The following RBFOX1 variants were observed in gnomAD, a reference collection of about 807,000 sequenced individuals.
The protein encoded by RBFOX1 is RNA binding fox-1 homolog 1.
In RBFOX1, 8 loss-of-function variants were observed where a neutral mutation model predicts 57.7. That is an observed-to-expected ratio of 0.14 (90% CI 0.08 to 0.25). RBFOX1 has a LOEUF of 0.25. RBFOX1 is among the 10% of genes least tolerant of loss of function. The pLI is 1.00. For missense variants in RBFOX1, 611 were observed against 548.5 expected, an observed-to-expected ratio of 1.11 and a Z score of -1.14; for synonymous variants, 326 against 222.4, an observed-to-expected ratio of 1.47 and a Z score of -4.15.
chr16:5,663,506 A>T (rs1286970340), intron 3 of RBFOX1, among the ~76,000 whole-genome samples: 3 of 152,144 alleles, frequency 2.0e-5, no homozygotes, highest in Non-Finnish European at 2.9e-5. Context: ...CACCTGGCTG[A>T]AAAATCCTAT....
At chr16:7,367,056 A>C (rs1325621468) in intron 4 of RBFOX1, among the ~76,000 whole-genome samples, 5 of 149,110 alleles carry the variant, frequency 3.4e-5, no homozygotes, top group African/African-American at 9.9e-5. Context: ...CAAACCCCCC[A>C]GTTTTTTTTT....
At chr16:5,968,075 A>ACTTT (rs768507440) in intron 4 of RBFOX1, among the ~76,000 whole-genome samples, 17 of 151,990 alleles carry the variant, frequency 1.1e-4, no homozygotes, top group Non-Finnish European at 2.4e-4. Flanking sequence ...ATTCTCCAGT[A>ACTTT]CTTTATTTTA....
intron 3 of RBFOX1, among the ~76,000 whole-genome samples, chr16:6,903,645 G>C (rs1423911620): frequency 6.6e-6 from 1 of 152,118 alleles, no homozygotes; most frequent in Non-Finnish European, 1.5e-5. Context: ...CTGTCCTTTG[G>C]ATAAGCAGGT....
chr16:6,943,034 G>T (rs1018215181), intron 3 of RBFOX1, among the ~76,000 whole-genome samples: 1 of 152,154 alleles, frequency 6.6e-6, no homozygotes, highest in South Asian at 2.1e-4. Context: ...ATGGGCAAGC[G>T]GGGAGAAAGC....
chr16:5,293,713 G>A (rs997728788), intron 1 of RBFOX1, among the ~76,000 whole-genome samples: 1 of 151,660 alleles, frequency 6.6e-6, no homozygotes, highest in Non-Finnish European at 1.5e-5. Context: ...CAAATCTATA[G>A]AGGCAGAAAG....
At chr16:6,194,073 A>T (rs2097164494) in intron 1 of RBFOX1, among the ~76,000 whole-genome samples, 1 of 152,044 alleles carries the variant, frequency 6.6e-6, no homozygotes, top group African/African-American at 2.4e-5. Context: ...CCTGGAACTC[A>T]CACATTCTAA....
intron 1 of RBFOX1, among the ~76,000 whole-genome samples, chr16:5,400,860 A>T (rs572553108): frequency 6.6e-6 from 1 of 152,050 alleles, no homozygotes; most frequent in African/African-American, 2.4e-5. Flanking sequence ...TCATGTGTTT[A>T]TTTGCCATTT....
chr16:7,260,590 G>A (rs2094879873), intron 4 of RBFOX1, among the ~76,000 whole-genome samples: 1 of 152,160 alleles, frequency 6.6e-6, no homozygotes, highest in Non-Finnish European at 1.5e-5. Flanking sequence ...GTGTCATGTA[G>A]AGACGCTATG....
At chr16:5,454,966 T>TCTTTCTTC in intron 1 of RBFOX1, among the ~76,000 whole-genome samples, 1 of 57,386 alleles carries the variant, frequency 1.7e-5, no homozygotes, top group Middle Eastern at 6.5e-3. Flanking sequence ...TTCCTTTCTT[T>TCTTTCTTC]CTTTCTTTCT....
At chr16:7,440,605 AG>A (rs2098758392) in intron 4 of RBFOX1, among the ~76,000 whole-genome samples, 1 of 152,094 alleles carries the variant, frequency 6.6e-6, no homozygotes, top group Non-Finnish European at 1.5e-5. Context: ...TAATCTGGAG[AG>A]TTGCTTAATG....
chr16:6,409,566 G>A (rs2093392443), intron 2 of RBFOX1, among the ~76,000 whole-genome samples: 1 of 152,132 alleles, frequency 6.6e-6, no homozygotes, highest in South Asian at 2.1e-4. Flanking sequence ...TCCATGAAAA[G>A]TTGTGGGATT....
At chr16:5,540,083 G>C (rs2044869327) in intron 2 of RBFOX1, among the ~76,000 whole-genome samples, 2 of 152,170 alleles carry the variant, frequency 1.3e-5, no homozygotes, top group South Asian at 4.1e-4. Context: ...GTAAGAGACA[G>C]TTAAGAATGA....
intron 11 of RBFOX1, among the ~76,000 whole-genome samples, chr16:7,648,203 T>C (rs1009859150): frequency 2.6e-5 from 4 of 152,152 alleles, no homozygotes; most frequent in African/African-American, 4.8e-5. Context: ...AAACCAACAA[T>C]TGAGGAAAAA....
At chr16:5,467,920 T>C (rs976825316) in intron 2 of RBFOX1, among the ~76,000 whole-genome samples, 5 of 152,232 alleles carry the variant, frequency 3.3e-5, no homozygotes, top group Admixed American at 2.6e-4. Context: ...CTTTTTATTA[T>C]ATATGTAAAT....
At chr16:6,365,320 GTGGATGGGTGGGTGGATGGA>G (rs1568026757) in intron 2 of RBFOX1, among the ~76,000 whole-genome samples, 1 of 151,184 alleles carries the variant, frequency 6.6e-6, no homozygotes, top group Non-Finnish European at 1.5e-5. Context: ...GTTTGGATGG[GTGGATGGGTGGGTGGATGGA>G]TGGATGGATG....
chr16:7,288,404 C>T (rs555969749), intron 4 of RBFOX1, among the ~76,000 whole-genome samples: 1 of 152,326 alleles, frequency 6.6e-6, no homozygotes, highest in Non-Finnish European at 1.5e-5. Context: ...TTTATCTTCC[C>T]TCATTCTCAG....
intron 4 of RBFOX1, among the ~76,000 whole-genome samples, chr16:5,997,866 C>CTGAT: frequency 6.6e-6 from 1 of 151,728 alleles, no homozygotes; most frequent in East Asian, 1.9e-4. Flanking sequence ...TTTTTATTTG[C>CTGAT]TGATAGTCAA....
At chr16:6,146,766 G>C (rs866640100) in intron 1 of RBFOX1, among the ~76,000 whole-genome samples, 1 of 152,154 alleles carries the variant, frequency 6.6e-6, no homozygotes, top group African/African-American at 2.4e-5. Flanking sequence ...ACCTTCCGGA[G>C]TGTCCCTGTC....
intron 1 of RBFOX1, among the ~76,000 whole-genome samples, chr16:6,299,739 G>C (rs545237364): frequency 6.6e-6 from 1 of 152,284 alleles, no homozygotes; most frequent in Non-Finnish European, 1.5e-5. Flanking sequence ...GTGGACTCTG[G>C]CGTCTGCTGG....
Sources: allele counts gnomAD v4.1 joint callset (sites outside exome capture counted in the v4.1 genomes callset), GRCh38; gene constraint gnomAD v4.1.1; transcripts MANE v1.5; gene names NCBI Gene and HGNC (gene_info 2026-07-23, HGNC 2026-07-21).